The following BORCS5 variants were observed in gnomAD, a reference collection of about 807,000 sequenced individuals.
The protein encoded by BORCS5 is BLOC-1 related complex subunit 5.
Under a neutral mutation model 22.1 loss-of-function variants are expected in BORCS5, and 17 were observed. The ratio of observed to expected loss-of-function variants is 0.77; its 90% CI spans 0.53 to 1.15. The LOEUF (loss-of-function observed/expected upper bound fraction) is 1.15, where lower values mean the gene tolerates loss of function less well. BORCS5 is among the 50% of genes most tolerant of loss of function. BORCS5 has a pLI of 0.00. For synonymous variants in BORCS5, 117 were observed against 99.8 expected (o/e 1.17, Z -1.03); for missense variants, 247 against 253.2 (o/e 0.98, Z 0.17).
intron 3 of BORCS5, among the ~76,000 whole-genome samples, chr12:12,457,842 A>G (rs10845549): frequency 0.36 from 54,137 of 152,188 alleles, 10,043 homozygotes; most frequent in Non-Finnish European, 0.39. Flanking sequence ...ACTCCAGCTC[A>G]GGCAGGACAG....
chr12:12,403,404 C>T (rs939525176), intron 2 of BORCS5, among the ~76,000 whole-genome samples: 15 of 152,188 alleles, frequency 9.9e-5, no homozygotes, highest in Admixed American at 7.2e-4. Flanking sequence ...GCAATCCCAG[C>T]TGCTCTTCCC....
Position 12,376,764 on chromosome 12 carries a change from G to A in BORCS5, c.202+15415G>A, listed in dbSNP as rs144604655. Among the ~76,000 whole-genome samples the A allele has an allele frequency of 1.3e-3, 201 of 152,248 alleles. 1 individual carries two copies. The highest frequency in any genetic ancestry group is 3.7e-4 in the Non-Finnish European group (25 of 68,016). On this transcript the variant is annotated intron_variant, in intron 2 of 3. Coordinates refer to ENST00000314565, the MANE Select transcript of BORCS5 (RefSeq NM_058169.6). ...TTTAAAATAAGATGGCCTTCCTTTA[G>A]TGTAGTAATTAAATTTATAGCAGTC...
At chr12:12,458,988 A>G (rs1333455092) in intron 3 of BORCS5, among the ~76,000 whole-genome samples, 2 of 151,848 alleles carry the variant, frequency 1.3e-5, no homozygotes, top group Non-Finnish European at 2.9e-5. Flanking sequence ...GAATTAAAAA[A>G]AAGAGAGAGA....
chr12:12,413,051 C>A (rs1337113579), intron 2 of BORCS5, among the ~76,000 whole-genome samples: 1 of 133,162 alleles, frequency 7.5e-6, no homozygotes, highest in Non-Finnish European at 1.6e-5. Flanking sequence ...GAGGACCCTG[C>A]GGCCTTCCGC....
At chr12:12,460,913 C>T (rs73287587) in intron 3 of BORCS5, among the ~76,000 whole-genome samples, 25,560 of 152,028 alleles carry the variant, frequency 0.17, 3,257 homozygotes, top group African/African-American at 0.36. Flanking sequence ...ACTGAGTGGA[C>T]CAGCCAAGTA....
intron 2 of BORCS5, among the ~76,000 whole-genome samples, chr12:12,416,190 G>C (rs1256921908): frequency 6.6e-6 from 1 of 152,008 alleles, no homozygotes; most frequent in East Asian, 1.9e-4. Context: ...TCTCGTTTTA[G>C]TATTTGAGTT....
In BORCS5 at chr12:12,357,333, G is replaced by A; in HGVS notation, c.-119G>A. 6.8e-7 allele frequency: 1 copy of A among 1,479,712 alleles called. No individual in the cohort carries two copies. The allele number at this position is 1,479,712 out of a possible 1,614,324, so 91.7% of individuals were successfully genotyped here. ...GTCAGCCCCACACATTAGCCTCGCT[G>A]CGGCGCCCAGACTCTGCTTTGCCTC... On this transcript the variant is annotated 5_prime_UTR_variant, in exon 1 of 4. Coordinates refer to ENST00000314565, the MANE Select transcript of BORCS5 (RefSeq NM_058169.6).
intron 3 of BORCS5, among the ~76,000 whole-genome samples, chr12:12,455,449 T>G (rs568485549): frequency 6.6e-6 from 1 of 152,258 alleles, no homozygotes; most frequent in East Asian, 1.9e-4. Context: ...AAGCTAAACA[T>G]TACCTTTAAA....
chr12:12,362,125 C>A (rs1435439266), intron 2 of BORCS5, among the ~76,000 whole-genome samples: 1 of 152,166 alleles, frequency 6.6e-6, no homozygotes, highest in East Asian at 1.9e-4. Context: ...ATTTACATAG[C>A]TATTTGAATT....
chr12:12,357,371 C>A lies in BORCS5; in HGVS notation c.-81C>A. ...TCTGCTTTGCCTCCCCGTCCCGGTC[C>A]CTGGCCCCTGCCCTGTCGCCCGCCG... On this transcript the variant is annotated 5_prime_UTR_variant, in exon 1 of 4. Transcript: ENST00000314565. 6.5e-7 allele frequency: 1 copy of A among 1,547,358 alleles called. No individual in the cohort carries two copies. Among genetic ancestry groups the A allele is most frequent in the Non-Finnish European group, 8.8e-7 (1 of 1,142,154 alleles).
At chr12:12,423,023 A>G (rs528425878) in intron 2 of BORCS5, among the ~76,000 whole-genome samples, 150 of 150,412 alleles carry the variant, frequency 1.0e-3, no homozygotes, top group African/African-American at 3.5e-3. Context: ...ATTTTTTGAG[A>G]TGGAGTCTCA....
chr12:12,415,322 G>C (rs1463185115), intron 2 of BORCS5, among the ~76,000 whole-genome samples: 1 of 150,640 alleles, frequency 6.6e-6, no homozygotes, highest in African/African-American at 2.4e-5. Context: ...CGAGGCTGGC[G>C]GATCACTCGC....
chr12:12,466,070 T>G lies in BORCS5; in HGVS notation c.*294T>G. 3.7e-6 allele frequency: 1 copy of G among 271,252 alleles called. No homozygotes were observed. The allele number at this position is 271,252 out of a possible 1,614,324, so 16.8% of individuals were successfully genotyped here. ...CATTGAGAATTATTTTTATTTAGTT[T>G]TTTTTTTTTTTTAATTGAGAGTATA... On this transcript the variant is annotated 3_prime_UTR_variant, in exon 4 of 4. Transcript: ENST00000314565.
intron 3 of BORCS5, among the ~76,000 whole-genome samples, chr12:12,443,960 C>T (rs149856018): frequency 1.3e-5 from 2 of 152,318 alleles, no homozygotes; most frequent in African/African-American, 4.8e-5. Flanking sequence ...TCTAAGCCAA[C>T]TAGCCAGTAT....
At chr12:12,378,280 G>A (rs1863699297) in intron 2 of BORCS5, among the ~76,000 whole-genome samples, 1 of 152,164 alleles carries the variant, frequency 6.6e-6, no homozygotes, top group Admixed American at 6.5e-5. Context: ...GCTGAGGCAG[G>A]ACAATCGCTT....
At chr12:12,420,921 G>A (rs1228684514) in intron 2 of BORCS5, among the ~76,000 whole-genome samples, 1 of 152,200 alleles carries the variant, frequency 6.6e-6, no homozygotes, top group East Asian at 1.9e-4. Context: ...CTTTGCTGAA[G>A]TTGCTTATCA....
intron 2 of BORCS5, among the ~76,000 whole-genome samples, chr12:12,421,756 A>G (rs1592111714): frequency 2.0e-5 from 3 of 152,256 alleles, no homozygotes; most frequent in East Asian, 3.9e-4. Context: ...TAAGAGATTC[A>G]TCTTCTTCCT....
Position 12,423,390 on chromosome 12 carries a change from C to G in BORCS5, c.203-12238C>G, listed in dbSNP as rs142231598. Among the ~76,000 whole-genome samples the G allele has an allele frequency of 2.7e-3, 393 of 147,208 alleles. 2 individuals carry two copies. Among genetic ancestry groups the G allele is most frequent in the African/African-American group, 9.3e-3 (368 of 39,600 alleles). On this transcript the variant is annotated intron_variant, in intron 2 of 3. Coordinates refer to ENST00000314565, the MANE Select transcript of BORCS5 (RefSeq NM_058169.6). ...CTTTCATTTCAACCTGCAGGACCCC[C>G]TTTAGCATTTCTTGCAGGGCAGGTC...
intron 3 of BORCS5, among the ~76,000 whole-genome samples, chr12:12,457,541 C>T (rs1447734385): frequency 1.3e-5 from 2 of 152,090 alleles, no homozygotes; most frequent in East Asian, 1.9e-4. Flanking sequence ...AGGTGGTGGG[C>T]GCCTGTAGTC....
Sources: gnomAD v4.1 joint callset for allele counts (sites outside exome capture counted in the v4.1 genomes callset) on GRCh38, gnomAD v4.1.1 for gene constraint, MANE v1.5 for transcripts, NCBI Gene and HGNC (gene_info 2026-07-23, HGNC 2026-07-21) for gene names.